Variants in ZNF521 observed in about 807,000 individuals in gnomAD.
ZNF521 encodes LYST-interacting protein 3.
In ZNF521, 14 loss-of-function variants were observed where a neutral mutation model predicts 105.5. That is an observed-to-expected ratio of 0.13 (90% CI 0.09 to 0.21). The LOEUF is 0.21. Ranked by LOEUF, ZNF521 falls within the 10% of genes least tolerant of loss-of-function variation. ZNF521 has a pLI of 1.00. For synonymous variants in ZNF521, 635 were observed against 606.0 expected, an observed-to-expected ratio of 1.05 and a Z score of -0.70; for missense variants, 1,233 against 1,629.7, an observed-to-expected ratio of 0.76 and a Z score of 4.19.
chr18:25,268,426 A>C (rs1364020580), intron 3 of ZNF521, among the ~76,000 whole-genome samples: 1 of 152,222 alleles, frequency 6.6e-6, no homozygotes, highest in African/African-American at 2.4e-5. Context: ...TTCAGGAAAT[A>C]CAGAGTACAC....
intron 4 of ZNF521, among the ~76,000 whole-genome samples, chr18:25,208,845 C>T (rs1290646240): frequency 6.6e-6 from 1 of 152,078 alleles, no homozygotes; most frequent in Non-Finnish European, 1.5e-5. Context: ...ACCACTGAAC[C>T]CATTAAATTT....
At chr18:25,171,138 T>C in intron 5 of ZNF521, among the ~76,000 whole-genome samples, 1 of 152,090 alleles carries the variant, frequency 6.6e-6, no homozygotes, top group East Asian at 1.9e-4. Context: ...ATCTGATAAA[T>C]GAGCATTATA....
chr18:25,339,145 A>G (rs1291485842), intron 2 of ZNF521, among the ~76,000 whole-genome samples: 1 of 152,216 alleles, frequency 6.6e-6, no homozygotes, highest in African/African-American at 2.4e-5. Flanking sequence ...CTGAAAGAAC[A>G]CTATTGTTGT....
chr18:25,272,676 A>G (rs1175095788), intron 3 of ZNF521, among the ~76,000 whole-genome samples: 1 of 151,722 alleles, frequency 6.6e-6, no homozygotes, highest in East Asian at 2.0e-4. Context: ...AAAACCAAAC[A>G]CTGCATGTTA....
chr18:25,152,688 G>A (rs1165616462), intron 5 of ZNF521, among the ~76,000 whole-genome samples: 4 of 152,052 alleles, frequency 2.6e-5, no homozygotes, highest in African/African-American at 4.8e-5. Context: ...GTGGAAAAAC[G>A]CCCGTTCACA....
intron 3 of ZNF521, among the ~76,000 whole-genome samples, chr18:25,277,919 A>T (rs1229359535): frequency 6.6e-6 from 1 of 152,102 alleles, no homozygotes; most frequent in Non-Finnish European, 1.5e-5. Flanking sequence ...AAATTAATGT[A>T]CTGGTAGATT....
At chr18:25,177,803 T>C (rs2035559654) in intron 5 of ZNF521, among the ~76,000 whole-genome samples, 3 of 152,222 alleles carry the variant, frequency 2.0e-5, no homozygotes, top group Admixed American at 2.0e-4. Flanking sequence ...CCAGCACCAA[T>C]GAAGAGTTGG....
chr18:25,251,220 G>A (rs374632177), intron 3 of ZNF521, among the ~76,000 whole-genome samples: 3 of 152,282 alleles, frequency 2.0e-5, no homozygotes, highest in East Asian at 1.9e-4. Context: ...AACAGCATTC[G>A]ATGGAACTGG....
intron 3 of ZNF521, among the ~76,000 whole-genome samples, chr18:25,255,906 A>T (rs1019565748): frequency 1.3e-5 from 2 of 151,190 alleles, no homozygotes; most frequent in African/African-American, 4.9e-5. Context: ...ATGAATGATG[A>T]TGAATGAATG....
At chr18:25,277,819 C>G (rs935165293) in intron 3 of ZNF521, among the ~76,000 whole-genome samples, 2 of 151,936 alleles carry the variant, frequency 1.3e-5, no homozygotes, top group South Asian at 2.1e-4. Context: ...GATGATGAGG[C>G]CTTAAGAAAC....
intron 3 of ZNF521, among the ~76,000 whole-genome samples, chr18:25,281,394 C>A (rs1230054384): frequency 1.3e-5 from 2 of 152,176 alleles, no homozygotes. Context: ...AACTAAAGTA[C>A]AACTTTGGCC....
chr18:25,317,738 A>T (rs926397167), intron 3 of ZNF521, among the ~76,000 whole-genome samples: 3 of 152,216 alleles, frequency 2.0e-5, no homozygotes, highest in Non-Finnish European at 2.9e-5. Context: ...ATACACCTTA[A>T]ATGAAGTCAA....
At chr18:25,118,506 C>T (rs1418722474) in intron 5 of ZNF521, among the ~76,000 whole-genome samples, 1 of 151,818 alleles carries the variant, frequency 6.6e-6, no homozygotes, top group Admixed American at 6.6e-5. Flanking sequence ...ATCTATATCA[C>T]AGATTGACAT....
intron 5 of ZNF521, among the ~76,000 whole-genome samples, chr18:25,146,548 G>C (rs1034002593): frequency 1.3e-5 from 2 of 151,954 alleles, no homozygotes; most frequent in African/African-American, 4.8e-5. Context: ...TCTGAAAAAA[G>C]GCTACTCCAC....
chr18:25,344,456 G>A (rs1352713011), intron 2 of ZNF521, among the ~76,000 whole-genome samples: 2 of 152,002 alleles, frequency 1.3e-5, no homozygotes, highest in African/African-American at 2.4e-5. Context: ...CAACAAACAA[G>A]GTATATGCAA....
intron 5 of ZNF521, among the ~76,000 whole-genome samples, chr18:25,150,828 T>C (rs1427862453): frequency 6.6e-6 from 1 of 152,028 alleles, no homozygotes; most frequent in Non-Finnish European, 1.5e-5. Context: ...TTTCCCCCCA[T>C]GTGGTCTCTC....
chr18:25,149,974 GT>G (rs1315914289), intron 5 of ZNF521, among the ~76,000 whole-genome samples: 2 of 152,164 alleles, frequency 1.3e-5, no homozygotes, highest in Non-Finnish European at 2.9e-5. Flanking sequence ...AACTATTCTT[GT>G]TTTTGGTCTT....
At chr18:25,101,283 T>C (rs2033961090) in intron 5 of ZNF521, among the ~76,000 whole-genome samples, 1 of 152,090 alleles carries the variant, frequency 6.6e-6, no homozygotes, top group Non-Finnish European at 1.5e-5. Context: ...ATGTGAAACC[T>C]GCATATAGGG....
rs1458208415 is a variant in ZNF521 at position 25,350,951 on chromosome 18, A to C, written c.-1-4T>G. 2 of 1,548,438 alleles carry C rather than the reference A, an allele frequency of 1.3e-6. No individual in the cohort carries two copies. The highest frequency in any genetic ancestry group is 1.7e-6 in the Non-Finnish European group (2 of 1,145,526). On this transcript the variant is annotated splice_region_variant and splice_polypyrimidine_tract_variant and intron_variant, in intron 1 of 7. Coordinates refer to ENST00000361524, the MANE Select transcript of ZNF521 (RefSeq NM_015461.3). Reference sequence around the variant, plus strand: ...CGCTTGCTTGCGGCGAGACATCCTAAAAGCAAACAGCTGAAGTTGTTTCAA... The same window carrying C: ...CGCTTGCTTGCGGCGAGACATCCTACAAGCAAACAGCTGAAGTTGTTTCAA...
Sources: allele counts gnomAD v4.1 joint callset (sites outside exome capture counted in the v4.1 genomes callset), GRCh38; gene constraint gnomAD v4.1.1; transcripts MANE v1.5; gene names NCBI Gene and HGNC (gene_info 2026-07-23, HGNC 2026-07-21).